The following ARHGAP42 variants were observed in gnomAD, a reference collection of about 807,000 sequenced individuals.
ARHGAP42 encodes the protein rho GTPase-activating protein 42.
ARHGAP42 carries 63 observed loss-of-function variants against 125.0 expected under a neutral mutation model. That is an observed-to-expected ratio of 0.50 (90% CI 0.41 to 0.62). The LOEUF is 0.62. Among genes scored for constraint, ARHGAP42 ranks in the 20% least tolerant of loss-of-function variants. The probability of loss-of-function intolerance (pLI) is 0.00; values close to 1 mark genes in which losing one functional copy is unlikely to be tolerated. For missense variants in ARHGAP42, 766 were observed against 1,024.2 expected, an observed-to-expected ratio of 0.75 and a Z score of 3.44; for synonymous variants, 339 against 351.0, an observed-to-expected ratio of 0.97 and a Z score of 0.38.
At chr11:100,904,361 C>G (rs1319364177) in intron 4 of ARHGAP42, among the ~76,000 whole-genome samples, 1 of 151,610 alleles carries the variant, frequency 6.6e-6, no homozygotes. Flanking sequence ...ATTCTCCTGT[C>G]TCAGCATCCC....
intron 3 of ARHGAP42, among the ~76,000 whole-genome samples, chr11:100,851,027 G>A (rs1335618043): frequency 2.0e-5 from 3 of 151,820 alleles, no homozygotes. Context: ...GATTACAGAC[G>A]TGTGCCACCA....
rs748880077 is a variant in ARHGAP42 at position 100,943,886 on chromosome 11, C to T, written c.1043+18C>T. ...GTTGAAAGGTTTGAGCTGTTCTTTTCACTTTATTTTTTTCATAAGCTAAAC... is the reference window on the plus strand; with the variant it reads ...GTTGAAAGGTTTGAGCTGTTCTTTTTACTTTATTTTTTTCATAAGCTAAAC... On this transcript the variant is annotated intron_variant, in intron 10 of 23. Transcript: ENST00000298815. 3.4e-6 allele frequency: 5 copies of T among 1,460,566 alleles called. No individual in the cohort carries two copies. In the South Asian group the frequency reaches 3.9e-5, roughly 11 times the overall value. 90.5% of individuals were successfully genotyped at this position (1,460,566 alleles called of 1,614,324 possible).
In ARHGAP42 at chr11:100,739,759, G is replaced by A. The variant is rs939209934; in HGVS notation, c.155-30584G>A. On this transcript the variant is annotated intron_variant, in intron 1 of 23. Coordinates refer to ENST00000298815, the MANE Select transcript of ARHGAP42 (RefSeq NM_152432.4). The stretch of plus-strand genomic sequence containing the variant: ...TACTGAAAATGCTGCCAGGAAGTAG[G>A]GTGAGCATAACTTCTTTTCCCATGA... 7.9e-5 allele frequency among the ~76,000 whole-genome samples: 12 copies of A among 152,218 alleles called. No individual in the cohort carries two copies. The South Asian group carries it at 1.9e-3, about 24-fold the overall frequency.
At chr11:100,747,514 G>C (rs1862332219) in intron 1 of ARHGAP42, among the ~76,000 whole-genome samples, 2 of 152,120 alleles carry the variant, frequency 1.3e-5, no homozygotes, top group Admixed American at 1.3e-4. Context: ...ATCCTGTTGT[G>C]CTTTTATTTT....
intron 9 of ARHGAP42, among the ~76,000 whole-genome samples, chr11:100,942,217 G>C (rs1026990086): frequency 6.6e-6 from 1 of 152,224 alleles, no homozygotes; most frequent in Middle Eastern, 3.4e-3. Context: ...GACTGTCAGT[G>C]GCTGGAACAG....
intron 22 of ARHGAP42, among the ~76,000 whole-genome samples, chr11:100,985,850 G>A (rs1858664954): frequency 6.6e-6 from 1 of 152,220 alleles, no homozygotes; most frequent in Admixed American, 6.5e-5. Flanking sequence ...CATTCTGGAA[G>A]TGTAGGGTTA....
intron 3 of ARHGAP42, chr11:100,816,857 G>A (rs1864278803): frequency 6.6e-6 from 1 of 152,190 alleles, no homozygotes; most frequent in African/African-American, 2.4e-5. Context: ...TTGGAGAATG[G>A]TAAAGCTAGG....
intron 1 of ARHGAP42, among the ~76,000 whole-genome samples, chr11:100,698,564 A>G (rs1229506786): frequency 6.6e-6 from 1 of 152,110 alleles, no homozygotes; most frequent in Non-Finnish European, 1.5e-5. Flanking sequence ...AATTCCAGCT[A>G]CTGGGGAAGG....
At chr11:100,921,423 A>G (rs1028843223) in intron 5 of ARHGAP42, 71 bp from the exon 6 acceptor site, 5 of 1,132,220 alleles carry the variant, frequency 4.4e-6, no homozygotes, top group Non-Finnish European at 6.3e-6. Flanking sequence ...TTTAATAAAG[A>G]TACCAGAGCA....
At position 100,979,108 on chromosome 11, in the gene ARHGAP42, A is replaced by G. The variant is rs1394042859; in HGVS notation, c.2456+59A>G. ...AAAAGTGGTGACATTGTTGCTTTGT[A>G]TTGACATGACACTCTCTGTGACAGC... On this transcript the variant is annotated intron_variant, in intron 22 of 23. Transcript: ENST00000298815. The G allele has an allele frequency of 5.4e-6, 8 of 1,494,170 alleles. No individual in the cohort carries two copies. In the African/African-American group the frequency reaches 5.6e-5, roughly 10 times the overall value. 92.6% of individuals were successfully genotyped at this position (1,494,170 alleles called of 1,614,324 possible).
intron 7 of ARHGAP42, among the ~76,000 whole-genome samples, chr11:100,935,726 A>C (rs1393520927): frequency 6.6e-6 from 1 of 152,098 alleles, no homozygotes; most frequent in African/African-American, 2.4e-5. Context: ...AAGGTCATTC[A>C]GACAAGTTTT....
intron 6 of ARHGAP42, among the ~76,000 whole-genome samples, chr11:100,927,283 T>G (rs1591300810): frequency 6.6e-6 from 1 of 152,174 alleles, no homozygotes; most frequent in East Asian, 1.9e-4. Context: ...TTTTGATGTG[T>G]TTTTCTTTTT....
At chr11:100,863,861 G>T (rs1273029144) in intron 4 of ARHGAP42, among the ~76,000 whole-genome samples, 2 of 152,158 alleles carry the variant, frequency 1.3e-5, no homozygotes, top group Non-Finnish European at 2.9e-5. Context: ...CTAGTGGAAA[G>T]CAGGTATTCA....
chr11:100,921,726 G>T, intron 6 of ARHGAP42, 122 bp downstream of exon 6: 1 of 637,450 alleles, frequency 1.6e-6, no homozygotes, highest in Non-Finnish European at 2.5e-6. Context: ...TAAAAGGGGA[G>T]TGGGAAGGGA....
intron 1 of ARHGAP42, among the ~76,000 whole-genome samples, chr11:100,715,269 T>A (rs76568876): frequency 0.038 from 5,797 of 152,158 alleles, 116 homozygotes; most frequent in African/African-American, 0.071. Context: ...TTTCCTGTTC[T>A]AGTTAACTTC....
chr11:100,701,947 G>A (rs1861404405), intron 1 of ARHGAP42, among the ~76,000 whole-genome samples: 1 of 151,830 alleles, frequency 6.6e-6, no homozygotes, highest in African/African-American at 2.4e-5. Flanking sequence ...GACTGTCTTG[G>A]CTTTTCTTGT....
chr11:100,805,320 ATTG>A (rs1389475491), intron 3 of ARHGAP42, among the ~76,000 whole-genome samples: 5 of 152,290 alleles, frequency 3.3e-5, no homozygotes, highest in Admixed American at 2.6e-4. Context: ...ACTAACATAT[ATTG>A]TTGATATCAT....
chr11:100,961,606 G>C, intron 14 of ARHGAP42, 78 bp from the exon 15 acceptor site: 1 of 1,261,994 alleles, frequency 7.9e-7, no homozygotes, highest in Non-Finnish European at 1.1e-6. Context: ...ACCTACTTAC[G>C]TTTGTGCCCA....
chr11:100,959,948 C>T lies in ARHGAP42; in HGVS notation c.1225+3C>T. 1.3e-6 allele frequency: 2 copies of T among 1,550,888 alleles called. No individual in the cohort carries two copies. Among genetic ancestry groups the T allele is most frequent in the Non-Finnish European group, 1.7e-6 (2 of 1,146,194 alleles). On this transcript the variant is annotated splice_donor_region_variant and intron_variant, in intron 13 of 23. Coordinates refer to ENST00000298815, the MANE Select transcript of ARHGAP42 (RefSeq NM_152432.4). ...CATTCAAGCTGTGGAAACAAGAGGT[C>T]AGTGTTGCCTGATTGGTACAGCATC...
Sources: gnomAD v4.1 joint callset for allele counts (sites outside exome capture counted in the v4.1 genomes callset) on GRCh38, gnomAD v4.1.1 for gene constraint, MANE v1.5 for transcripts, NCBI Gene and HGNC (gene_info 2026-07-23, HGNC 2026-07-21) for gene names.